GINS1: variants seen among roughly 807,000 people sequenced by gnomAD.
The protein encoded by GINS1 is GINS complex subunit 1, also known as DNA replication complex GINS protein PSF1.
In GINS1, 26 loss-of-function variants were observed where a neutral mutation model predicts 34.9. That is an observed-to-expected ratio of 0.74 (90% confidence interval 0.55 to 1.03). GINS1 has a LOEUF of 1.03. Among genes scored for constraint, GINS1 ranks in the 50% least tolerant of loss-of-function variants. GINS1 has a pLI of 0.00. For missense variants in GINS1, 235 were observed against 237.9 expected (o/e 0.99, Z 0.08); for synonymous variants, 97 against 84.4 (o/e 1.15, Z -0.82).
intron 4 of GINS1, among the ~76,000 whole-genome samples, chr20:25,423,612 C>CTTTT (rs35923439): frequency 1.2e-5 from 1 of 85,524 alleles, no homozygotes; most frequent in Non-Finnish European, 2.3e-5. Context: ...TTTCTTCTCT[C>CTTTT]TTTTTTTTTT....
intron 2 of GINS1, among the ~76,000 whole-genome samples, chr20:25,414,555 C>A (rs1048242061): frequency 6.6e-6 from 1 of 152,086 alleles, no homozygotes; most frequent in Non-Finnish European, 1.5e-5. Flanking sequence ...TAAAAATTAG[C>A]TGGGTGTGGT....
At chr20:25,434,842 C>T (rs144167240) in intron 5 of GINS1, among the ~76,000 whole-genome samples, 9 of 152,302 alleles carry the variant, frequency 5.9e-5, no homozygotes, top group East Asian at 3.9e-4. Context: ...TCCAATGTGG[C>T]GCCTTGAATG....
At chr20:25,442,765 C>T (rs2090489771) in intron 6 of GINS1, among the ~76,000 whole-genome samples, 1 of 151,878 alleles carries the variant, frequency 6.6e-6, no homozygotes, top group African/African-American at 2.4e-5. Context: ...CGCCACTACA[C>T]CCAGTTAATT....
chr20:25,422,514 T>G (rs2090361966), intron 4 of GINS1, among the ~76,000 whole-genome samples: 2 of 151,990 alleles, frequency 1.3e-5, no homozygotes, highest in Admixed American at 1.3e-4. Context: ...TCACTTGAGC[T>G]TTGGAGGTAG....
intron 4 of GINS1, among the ~76,000 whole-genome samples, chr20:25,422,121 A>G (rs1459002394): frequency 1.3e-5 from 2 of 152,188 alleles, no homozygotes; most frequent in Non-Finnish European, 2.9e-5. Flanking sequence ...AAAGGTGCAG[A>G]AAACGAAGAT....
rs750776640 is a variant in GINS1, at chr20:25,425,296, A to G, written c.416A>G (p.Asp139Gly). ...GATGAAGGTTTGGACATTACACAGG[A>G]TATGAAACCACCAAAAAGCCTATAT... Reference protein sequence around the residue: ...GGDEGLDITQDMKPPKSLYIE... With the variant: ...GGDEGLDITQGMKPPKSLYIE... Residue 139 changes from aspartate (D) to glycine (G), a missense_variant, in exon 5 of 7, where the codon GAT becomes GGT. Transcript: ENST00000262460. The G allele has an allele frequency of 3.3e-6, 5 of 1,521,100 alleles. No individual in the cohort carries two copies. Among genetic ancestry groups the G allele is most frequent in the African/African-American group, 2.7e-5 (2 of 73,194 alleles). The allele number at this position is 1,521,100 out of a possible 1,614,324, so 94.2% of individuals were successfully genotyped here.
chr20:25,408,398 C>T (rs2090261262), intron 1 of GINS1, among the ~76,000 whole-genome samples: 1 of 152,190 alleles, frequency 6.6e-6, no homozygotes, highest in African/African-American at 2.4e-5. Flanking sequence ...AGGGTCTCTG[C>T]ATATGCCTCA....
intron 5 of GINS1, among the ~76,000 whole-genome samples, chr20:25,431,180 T>C (rs2500412): frequency 0.027 from 4,128 of 152,304 alleles, 179 homozygotes; most frequent in African/African-American, 0.09. Context: ...ATCTAGGTTT[T>C]CCAATTTGTT....
At chr20:25,427,237 T>C (rs984809812) in intron 5 of GINS1, among the ~76,000 whole-genome samples, 1 of 152,158 alleles carries the variant, frequency 6.6e-6, no homozygotes, top group African/African-American at 2.4e-5. Context: ...CGATCTCGGC[T>C]CAACCTGCAA....
chr20:25,433,804 A>T (rs1418999827), intron 5 of GINS1, among the ~76,000 whole-genome samples: 1 of 152,186 alleles, frequency 6.6e-6, no homozygotes, highest in East Asian at 1.9e-4. Flanking sequence ...TCTATTGTTG[A>T]TGTCACAAAA....
intron 3 of GINS1, among the ~76,000 whole-genome samples, chr20:25,417,877 G>A (rs1034528088): frequency 6.6e-6 from 1 of 152,162 alleles, no homozygotes. Flanking sequence ...GCGGGGGAAA[G>A]AAAGAAATAA....
At chr20:25,444,031 A>G (rs187058718) in intron 6 of GINS1, among the ~76,000 whole-genome samples, 2,232 of 80,318 alleles carry the variant, frequency 0.028, 50 homozygotes, top group African/African-American at 0.1. Flanking sequence ...GTTTTTTTCG[A>G]GATGGACTCT....
chr20:25,444,727 G>A (rs1443159493), intron 6 of GINS1, among the ~76,000 whole-genome samples: 2 of 152,168 alleles, frequency 1.3e-5, no homozygotes, highest in Non-Finnish European at 2.9e-5. Flanking sequence ...GAGAGGGAAG[G>A]AGACATCTTT....
At chr20:25,420,418 C>T (rs2090347972) in intron 4 of GINS1, among the ~76,000 whole-genome samples, 1 of 152,112 alleles carries the variant, frequency 6.6e-6, no homozygotes, top group Non-Finnish European at 1.5e-5. Flanking sequence ...AAGTGTGAGC[C>T]ACAGTGCCTG....
intron 6 of GINS1, among the ~76,000 whole-genome samples, chr20:25,444,818 T>C (rs1224569777): frequency 6.6e-6 from 1 of 152,208 alleles, no homozygotes; most frequent in Non-Finnish European, 1.5e-5. Context: ...GGTACCGGCA[T>C]CTTCCCATGT....
intron 1 of GINS1, among the ~76,000 whole-genome samples, chr20:25,410,465 A>AC (rs1394080996): frequency 1.3e-5 from 2 of 152,176 alleles, no homozygotes; most frequent in African/African-American, 4.8e-5. Flanking sequence ...GCAGCCTGGA[A>AC]CACTTAGTCA....
At position 25,445,954 on chromosome 20, in the gene GINS1, T is replaced by G; in HGVS notation, c.554T>G (p.Leu185Arg). 1.2e-6 allele frequency: 2 copies of G among 1,612,072 alleles called. No homozygotes were observed. Among genetic ancestry groups the G allele is most frequent in the South Asian group, 2.2e-5 (2 of 90,992 alleles). ...HFLPRWKCEQLIRQGVLEHIL... is the reference protein window; with the variant it reads ...HFLPRWKCEQRIRQGVLEHIL... ...TTACCTCGATGGAAATGTGAGCAGC[T>G]GATCAGACAAGGAGTCCTGGAGCAC... Residue 185 changes from leucine to arginine, a missense_variant, in exon 7 of 7, where the codon CTG (leucine) becomes CGG (arginine). By Grantham distance (102) the Leu-to-Arg change is moderately radical. Coordinates refer to ENST00000262460, the MANE Select transcript of GINS1 (RefSeq NM_021067.5).
At chr20:25,431,745 A>G (rs1207995809) in intron 5 of GINS1, among the ~76,000 whole-genome samples, 1 of 149,012 alleles carries the variant, frequency 6.7e-6, no homozygotes, top group Non-Finnish European at 1.5e-5. Flanking sequence ...TAATTTTTGT[A>G]TTTTTTGCTA....
intron 5 of GINS1, among the ~76,000 whole-genome samples, chr20:25,433,600 A>G (rs111782812): frequency 1.3e-5 from 2 of 152,100 alleles, no homozygotes; most frequent in African/African-American, 4.8e-5. Context: ...GTTTAAAAAA[A>G]TTTTTGATTT....
Sources: gnomAD v4.1 joint callset for allele counts (sites outside exome capture counted in the v4.1 genomes callset) on GRCh38, gnomAD v4.1.1 for gene constraint, MANE v1.5 for transcripts, NCBI Gene and HGNC (gene_info 2026-07-23, HGNC 2026-07-21) for gene names.